CRTC3: variants seen among roughly 807,000 people sequenced by gnomAD.
CRTC3 encodes the protein CREB regulated transcription coactivator 3, also known as CREB-regulated transcription coactivator 3.
In CRTC3, 26 loss-of-function variants were observed where a neutral mutation model predicts 74.5. The observed-to-expected ratio is 0.35, with a 90% CI of 0.26 to 0.48. CRTC3 has a LOEUF of 0.48. Ranked by LOEUF, CRTC3 falls within the 20% of genes least tolerant of loss-of-function variation. The pLI is 0.99. For missense variants in CRTC3, 760 were observed against 787.3 expected (o/e 0.97, Z 0.41); for synonymous variants, 377 against 325.8 (o/e 1.16, Z -1.69).
intron 3 of CRTC3, chr15:90,594,651 A>G (rs534476732): frequency 6.6e-6 from 1 of 152,304 alleles, no homozygotes; most frequent in East Asian, 1.9e-4. Flanking sequence ...CTGAGCACCT[A>G]CCCATGCCAG....
rs548024968 is a variant in CRTC3 at position 90,598,414 on chromosome 15, T to A, written c.352-3910T>A. Reference sequence around the variant, plus strand: ...AGAAGAGCTGCTCCCCTTCCTTTGGTGAAGAGTAAGAACTGTTCCCTCTAA... The same window carrying A: ...AGAAGAGCTGCTCCCCTTCCTTTGGAGAAGAGTAAGAACTGTTCCCTCTAA... On this transcript the variant is annotated intron_variant, in intron 3 of 14. Coordinates refer to ENST00000268184, the MANE Select transcript of CRTC3 (RefSeq NM_022769.5). The A allele has an allele frequency of 8.5e-6, 6 of 702,916 alleles. No homozygotes were observed. In the South Asian group the frequency reaches 8.9e-5, roughly 10 times the overall value. 43.5% of individuals were successfully genotyped at this position (702,916 alleles called of 1,614,324 possible).
intron 2 of CRTC3, among the ~76,000 whole-genome samples, chr15:90,542,266 G>C (rs1966815593): frequency 6.7e-6 from 1 of 150,154 alleles, no homozygotes; most frequent in South Asian, 2.1e-4. Flanking sequence ...GCAACTTCCA[G>C]CTCCTGAGTT....
chr15:90,580,951 A>G (rs1309045947), intron 2 of CRTC3, among the ~76,000 whole-genome samples: 2 of 152,234 alleles, frequency 1.3e-5, no homozygotes, highest in East Asian at 1.9e-4. Context: ...TGTTTAAACC[A>G]TGATGAATTT....
chr15:90,543,300 C>CAAAAA (rs10678466), intron 2 of CRTC3, among the ~76,000 whole-genome samples: 2 of 108,218 alleles, frequency 1.8e-5, no homozygotes, highest in Admixed American at 1.1e-4. Flanking sequence ...AACCCTGTCT[C>CAAAAA]AAAAAAAAAA....
At chr15:90,641,814 G>C in intron 14 of CRTC3, 118 bp from the exon 15 acceptor site, 2 of 749,456 alleles carry the variant, frequency 2.7e-6, no homozygotes, top group Non-Finnish European at 4.6e-6. Flanking sequence ...GGGCCTGGGG[G>C]TGGTCAGGAT....
intron 11 of CRTC3, chr15:90,634,803 A>G (rs1259509069): frequency 2.1e-6 from 3 of 1,421,386 alleles, no homozygotes; most frequent in African/African-American, 2.8e-5. Context: ...TAAAACTGTA[A>G]CCAAAGGAGG....
chr15:90,607,506 C>A, intron 6 of CRTC3, 28 bp downstream of exon 6: 1 of 1,368,296 alleles, frequency 7.3e-7, no homozygotes, highest in Non-Finnish European at 1.0e-6. Flanking sequence ...CTGCTGACAG[C>A]AGCTGTGCTT....
At chr15:90,547,336 T>C (rs1381981762) in intron 2 of CRTC3, among the ~76,000 whole-genome samples, 1 of 152,232 alleles carries the variant, frequency 6.6e-6, no homozygotes, top group African/African-American at 2.4e-5. Context: ...GTTCTTCCTG[T>C]CTACTCCTTT....
At chr15:90,633,146 C>CAT (rs1275192175) in intron 11 of CRTC3, among the ~76,000 whole-genome samples, 30 of 152,284 alleles carry the variant, frequency 2.0e-4, no homozygotes, top group African/African-American at 7.2e-4. Context: ...TCAGAGTTGA[C>CAT]ATATAGTATA....
Position 90,625,965 on chromosome 15 carries a change from G to C in CRTC3, c.939G>C (p.Met313Ile), listed in dbSNP as rs200053120. The change falls in exon 10 of 15, where the codon ATG (methionine) becomes ATC (isoleucine). Residue 313 changes from methionine (M) to isoleucine (I), a missense_variant. By Grantham distance (10) the Met-to-Ile change is conservative. This residue lies in a region of CRTC3 where 652 missense variants were observed against 635.2 expected (regional missense o/e 1.03). Transcript: ENST00000268184. Reference sequence around the variant, plus strand: ...GTGTGAACAACATCCCAGCTGCTATGACCCACCTGGGTATAAGAAGCTCCT... The same window carrying C: ...GTGTGAACAACATCCCAGCTGCTATCACCCACCTGGGTATAAGAAGCTCCT... ...GNSVNNIPAA[M>I]THLGIRSSSG... 1.7e-5 allele frequency: 28 copies of C among 1,614,050 alleles called. No individual in the cohort carries two copies. The highest frequency in any genetic ancestry group is 8.5e-6 in the Non-Finnish European group (10 of 1,180,010).
At chr15:90,608,737 G>A (rs1266896495) in intron 6 of CRTC3, among the ~76,000 whole-genome samples, 8 of 152,222 alleles carry the variant, frequency 5.3e-5, no homozygotes, top group Non-Finnish European at 1.2e-4. Flanking sequence ...AGCCCGTACT[G>A]ATGGAGAAGT....
At chr15:90,611,757 TG>T (rs1306375224) in intron 6 of CRTC3, among the ~76,000 whole-genome samples, 2 of 152,196 alleles carry the variant, frequency 1.3e-5, no homozygotes, top group Non-Finnish European at 2.9e-5. Context: ...GGTTCCTGTT[TG>T]CCTTGGACTA....
chr15:90,581,717 T>G (rs912988382), intron 2 of CRTC3, among the ~76,000 whole-genome samples: 2 of 152,218 alleles, frequency 1.3e-5, no homozygotes, highest in Admixed American at 1.3e-4. Context: ...TTTGCCACTC[T>G]TGTTTCATCT....
intron 6 of CRTC3, among the ~76,000 whole-genome samples, 157 bp downstream of exon 6, chr15:90,607,635 C>A (rs1219411996): frequency 6.6e-6 from 1 of 152,192 alleles, no homozygotes; most frequent in East Asian, 1.9e-4. Context: ...ATGATGCAGT[C>A]AGGATGGATG....
intron 3 of CRTC3, chr15:90,593,957 C>A: frequency 2.1e-6 from 1 of 465,506 alleles, no homozygotes. Flanking sequence ...TTTATGAAAG[C>A]ATCAATAAAG....
At chr15:90,563,557 A>G (rs1283186646) in intron 2 of CRTC3, among the ~76,000 whole-genome samples, 1 of 152,254 alleles carries the variant, frequency 6.6e-6, no homozygotes, top group Non-Finnish European at 1.5e-5. Flanking sequence ...AGCTTCTGCT[A>G]AGAGCGGATG....
At chr15:90,624,741 C>T (rs1270211690) in intron 9 of CRTC3, among the ~76,000 whole-genome samples, 1 of 152,206 alleles carries the variant, frequency 6.6e-6, no homozygotes, top group Non-Finnish European at 1.5e-5. Context: ...TCTGTGAATT[C>T]CAAAACAAGG....
intron 11 of CRTC3, among the ~76,000 whole-genome samples, chr15:90,634,117 A>ATG (rs1555453981): frequency 2.0e-5 from 3 of 148,508 alleles, no homozygotes; most frequent in African/African-American, 7.4e-5. Context: ...TCAACAATTA[A>ATG]TTTTTTTTTT....
intron 6 of CRTC3, among the ~76,000 whole-genome samples, chr15:90,609,376 G>A (rs1033054416): frequency 1.3e-5 from 2 of 152,184 alleles, no homozygotes; most frequent in African/African-American, 4.8e-5. Context: ...AGGTAGAGAT[G>A]GGAATATGTA....
Sources: gnomAD v4.1 joint callset for allele counts (sites outside exome capture counted in the v4.1 genomes callset) on GRCh38, gnomAD v4.1.1 for gene constraint, gnomAD v4.1.1 regional missense constraint, MANE v1.5 for transcripts, NCBI Gene and HGNC (gene_info 2026-07-23, HGNC 2026-07-21) for gene names.